SRSF3: variants seen among roughly 807,000 people sequenced by gnomAD.
The protein encoded by SRSF3 is serine and arginine rich splicing factor 3.
For synonymous variants in SRSF3, 87 were observed against 73.6 expected (o/e 1.18, Z -0.93); for missense variants, 58 against 217.1 (o/e 0.27, Z 4.61).
intron 5 of SRSF3, 22 bp from the exon 6 acceptor site, chr6:36,601,940 C>CT (rs778276944): frequency 0.2 from 286,545 of 1,400,094 alleles, 3,763 homozygotes; most frequent in East Asian, 0.27. Flanking sequence ...GTTTTGTTTT[C>CT]TTTTTTTTTT....
At chr6:36,601,641 A>AG in intron 4 of SRSF3, 67 bp from the exon 5 acceptor site, 1 of 1,437,836 alleles carries the variant, frequency 7.0e-7, no homozygotes, top group South Asian at 1.3e-5. Flanking sequence ...ACCATGCCAG[A>AG]TCAAGAAAAT....
At position 36,596,789 on chromosome 6, in the gene SRSF3, C is replaced by T; in HGVS notation, c.27C>T (p.Asp9=). 1.2e-6 allele frequency: 2 copies of T among 1,613,782 alleles called. No individual in the cohort carries two copies. Among genetic ancestry groups the T allele is most frequent in the South Asian group, 2.2e-5 (2 of 91,060 alleles). MHRDSCPL[D]CKVYVGNLGN... is the part of the protein sequence containing the mutation. ...TGCATCGTGATTCCTGTCCATTGGA[C>T]TGTAAGGTTTATGTAGGCAATCTTG... Residue 9 remains aspartate (D), a synonymous_variant, in exon 2 of 6, where the codon GAC becomes GAT. Transcript: ENST00000373715.
Position 36,604,336 on chromosome 6 carries a change from GC to G in SRSF3, c.*2348del. The G allele has an allele frequency of 9.5e-6, 2 of 210,798 alleles. No individual in the cohort carries two copies. The highest frequency in any genetic ancestry group is 9.6e-6 in the Non-Finnish European group (1 of 103,838). 13.1% of individuals were successfully genotyped at this position (210,798 alleles called of 1,614,324 possible). A position where few individuals can be genotyped will look rare whatever the true frequency, so the allele number is the denominator to read the frequency against. ...TCAAAGACACTGGCTGGATGTGGTG[GC>G]TCACACTTGTAATTCCTAGCACTTT... On this transcript the variant is annotated 3_prime_UTR_variant, in exon 6 of 6. Transcript: ENST00000373715.
intron 3 of SRSF3, chr6:36,600,712 G>A (rs1162364850): frequency 2.6e-5 from 4 of 154,924 alleles, no homozygotes; most frequent in East Asian, 3.8e-4. Flanking sequence ...CACCTACCGC[G>A]TTTTCACAAA....
chr6:36,595,024 C>T (rs926916948), intron 1 of SRSF3, among the ~76,000 whole-genome samples: 5 of 152,118 alleles, frequency 3.3e-5, no homozygotes, highest in African/African-American at 1.2e-4. Context: ...AAGACAGGTG[C>T]CAGCAGTGTT....
Position 36,604,848 on chromosome 6 carries a change from T to C in SRSF3, c.*2859T>C, listed in dbSNP as rs1430670148. The C allele has an allele frequency of 6.6e-6, 1 of 152,192 alleles. No homozygotes were observed. 9.4% of individuals were successfully genotyped at this position (152,192 alleles called of 1,614,324 possible). A position where few individuals can be genotyped will look rare whatever the true frequency, so the allele number is the denominator to read the frequency against. On this transcript the variant is annotated 3_prime_UTR_variant, in exon 6 of 6. Transcript: ENST00000373715. Reference sequence around the variant, plus strand: ...AGGAGTTCTACATGATAAATACCCTTGGTGATGTGAGAACCACTAGTTTAG... The same window carrying C: ...AGGAGTTCTACATGATAAATACCCTCGGTGATGTGAGAACCACTAGTTTAG...
intron 2 of SRSF3, 128 bp downstream of exon 2, chr6:36,597,096 T>TAA: frequency 1.9e-6 from 1 of 535,674 alleles, no homozygotes; most frequent in Non-Finnish European, 3.2e-6. Flanking sequence ...ACAATTGGGA[T>TAA]CTTTTTTTTT....
At chr6:36,599,991 GT>G in intron 3 of SRSF3, 1 of 1,281,360 alleles carries the variant, frequency 7.8e-7, no homozygotes, top group East Asian at 5.5e-5. Context: ...CGAGCATGCT[GT>G]TTTCTCTCAG....
rs371318416 is a variant in SRSF3, at chr6:36,597,883, AGAC to A, written c.206+919_206+921del. Among the ~76,000 whole-genome samples the A allele has an allele frequency of 4.6e-3, 701 of 151,780 alleles. 6 individuals carry two copies. Among genetic ancestry groups the A allele is most frequent in the Middle Eastern group, 0.014 (4 of 292 alleles). ...ATATTTATTATTTAAAAAATAATACAGACGACAGTCTGTGTTGCCCAGGCTGGC... is the reference window on the plus strand; with the variant it reads ...ATATTTATTATTTAAAAAATAATACAGACAGTCTGTGTTGCCCAGGCTGGC... On this transcript the variant is annotated intron_variant, in intron 2 of 5. Coordinates refer to ENST00000373715, the MANE Select transcript of SRSF3 (RefSeq NM_003017.5).
intron 4 of SRSF3, 198 bp downstream of exon 4, chr6:36,601,388 C>A: frequency 1.6e-6 from 1 of 628,190 alleles, no homozygotes; most frequent in Non-Finnish European, 2.7e-6. Context: ...GATCTGTCAC[C>A]CAGGCTGGAG....
chr6:36,599,849 C>T (rs1295266051), intron 3 of SRSF3: 4 of 1,352,180 alleles, frequency 3.0e-6, no homozygotes, highest in Non-Finnish European at 3.9e-6. Flanking sequence ...TCTCACCACC[C>T]TCTGAATCTG....
rs1343963608 is a variant in SRSF3 at position 36,604,760 on chromosome 6, T to TA, written c.*2772dup. ...TGTTGAAGAGGTATTTCAGAATAGA[T>TA]ACAGCCAGACTCCAGGCTCATTGAC... is the stretch of plus-strand genomic sequence containing the variant. On this transcript the variant is annotated 3_prime_UTR_variant, in exon 6 of 6. Transcript: ENST00000373715. The TA allele has an allele frequency of 1.3e-5, 2 of 152,392 alleles. No homozygotes were observed. The highest frequency in any genetic ancestry group is 2.4e-5 in the African/African-American group (1 of 41,456). 9.4% of individuals were successfully genotyped at this position (152,392 alleles called of 1,614,324 possible). A position where few individuals can be genotyped will look rare whatever the true frequency, so the allele number is the denominator to read the frequency against.
intron 1 of SRSF3, among the ~76,000 whole-genome samples, 187 bp from the exon 2 acceptor site, chr6:36,596,570 GTGGC>G (rs1288845265): frequency 4.0e-5 from 3 of 75,612 alleles, no homozygotes; most frequent in East Asian, 8.4e-4. Context: ...ATGGGGCGGG[GTGGC>G]GGGGGGGGGG....
chr6:36,595,452 C>T (rs1034960000), intron 1 of SRSF3, among the ~76,000 whole-genome samples: 1 of 152,162 alleles, frequency 6.6e-6, no homozygotes, highest in Non-Finnish European at 1.5e-5. Context: ...ATTTCCGTCA[C>T]CTCCCCCCGC....
At chr6:36,595,190 T>C (rs1778605938) in intron 1 of SRSF3, among the ~76,000 whole-genome samples, 1 of 152,220 alleles carries the variant, frequency 6.6e-6, no homozygotes, top group South Asian at 2.1e-4. Flanking sequence ...AGCTGAATTA[T>C]TGAGTAGATG....
At chr6:36,595,066 G>C (rs117576597) in intron 1 of SRSF3, among the ~76,000 whole-genome samples, 4,344 of 152,302 alleles carry the variant, frequency 0.029, 98 homozygotes, top group South Asian at 0.12. Flanking sequence ...TTTGGTCTTA[G>C]AACTTACTCC....
At chr6:36,597,235 A>T in intron 2 of SRSF3, 4 of 492,472 alleles carry the variant, frequency 8.1e-6, no homozygotes, top group Non-Finnish European at 1.5e-5. Context: ...CCTTCTGAGT[A>T]ACTGGGACTA....
At chr6:36,601,940 C>CGTT in intron 5 of SRSF3, 22 bp from the exon 6 acceptor site, 1 of 1,432,076 alleles carries the variant, frequency 7.0e-7, no homozygotes, top group Non-Finnish European at 9.1e-7. Flanking sequence ...GTTTTGTTTT[C>CGTT]TTTTTTTTTT....
In SRSF3 at chr6:36,598,992, G is replaced by C; in HGVS notation, c.341+9G>C. 6.2e-7 allele frequency: 1 copy of C among 1,613,944 alleles called. No homozygotes were observed. Among genetic ancestry groups the C allele is most frequent in the East Asian group, 2.2e-5 (1 of 44,888 alleles). ...CCTCCACCTCGTCGCAGGTACTTGA[G>C]AGAAAGCTTGTTAAGAGGTATTGGT... On this transcript the variant is annotated intron_variant, in intron 3 of 5. Coordinates refer to ENST00000373715, the MANE Select transcript of SRSF3 (RefSeq NM_003017.5).
Sources: allele counts gnomAD v4.1 joint callset (sites outside exome capture counted in the v4.1 genomes callset), GRCh38; gene constraint gnomAD v4.1.1; transcripts MANE v1.5; gene names NCBI Gene and HGNC (gene_info 2026-07-23, HGNC 2026-07-21).